The following KIAA1217 variants were observed in gnomAD, a reference collection of about 807,000 sequenced individuals.
KIAA1217 encodes the protein KIAA1217.
In KIAA1217, 88 loss-of-function variants were observed where a neutral mutation model predicts 163.9. The observed-to-expected ratio is 0.54, with a 90% CI of 0.45 to 0.64. The LOEUF (loss-of-function observed/expected upper bound fraction) is 0.64, where lower values mean the gene tolerates loss of function less well. KIAA1217 is among the 30% of genes least tolerant of loss of function. The probability of loss-of-function intolerance (pLI) is 0.00; values close to 1 mark genes in which losing one functional copy is unlikely to be tolerated. For synonymous variants in KIAA1217, 903 were observed against 923.1 expected (o/e 0.98, Z 0.39); for missense variants, 2,372 against 2,475.0 (o/e 0.96, Z 0.88).
intron 1 of KIAA1217, among the ~76,000 whole-genome samples, chr10:23,745,685 T>G (rs1839368885): frequency 6.6e-6 from 1 of 152,114 alleles, no homozygotes; most frequent in African/African-American, 2.4e-5. Context: ...GTAACTGTAC[T>G]TGGCCCACCG....
At chr10:23,853,203 T>A (rs1026745400) in intron 1 of KIAA1217, among the ~76,000 whole-genome samples, 3 of 152,116 alleles carry the variant, frequency 2.0e-5, no homozygotes, top group African/African-American at 4.8e-5. Flanking sequence ...TACCTAATTT[T>A]TTGAGAGTTT....
intron 5 of KIAA1217, among the ~76,000 whole-genome samples, chr10:24,472,460 T>A (rs149429677): frequency 3.3e-4 from 50 of 152,332 alleles, no homozygotes; most frequent in African/African-American, 1.2e-3. Flanking sequence ...CTTTGAAAGA[T>A]GGGAAACATG....
At chr10:24,337,527 G>T (rs571843647) in intron 2 of KIAA1217, among the ~76,000 whole-genome samples, 2 of 151,978 alleles carry the variant, frequency 1.3e-5, no homozygotes, top group Non-Finnish European at 2.9e-5. Flanking sequence ...ATGACAGATC[G>T]CATTTTCTTA....
chr10:24,472,835 T>C (rs191328253), intron 5 of KIAA1217, among the ~76,000 whole-genome samples: 28 of 152,238 alleles, frequency 1.8e-4, no homozygotes, highest in Admixed American at 5.9e-4. Flanking sequence ...CTCTGGAGGC[T>C]CCAGAGTGGG....
chr10:23,875,368 G>T (rs958519854), intron 1 of KIAA1217, among the ~76,000 whole-genome samples: 1 of 151,958 alleles, frequency 6.6e-6, no homozygotes, highest in Non-Finnish European at 1.5e-5. Flanking sequence ...AATTTTATAG[G>T]TGCAGAATAT....
intron 2 of KIAA1217, among the ~76,000 whole-genome samples, chr10:24,171,719 G>A (rs12766712): frequency 0.28 from 42,773 of 151,930 alleles, 7,099 homozygotes; most frequent in South Asian, 0.36. Context: ...CCTGGGAGGC[G>A]GAGGTTGCAG....
intron 1 of KIAA1217, among the ~76,000 whole-genome samples, chr10:23,805,426 T>C (rs895321776): frequency 2.6e-5 from 4 of 152,106 alleles, no homozygotes; most frequent in Non-Finnish European, 5.9e-5. Flanking sequence ...AACATGGGAA[T>C]GGAAGACCAA....
chr10:24,198,102 C>G (rs1564817410), intron 2 of KIAA1217, among the ~76,000 whole-genome samples: 1 of 152,226 alleles, frequency 6.6e-6, no homozygotes, highest in Non-Finnish European at 1.5e-5. Flanking sequence ...AACCAGGTAA[C>G]CCTGATGTGA....
rs537124456 is a variant in KIAA1217, at chr10:24,306,569, T to A, written c.355-74300T>A. 6.6e-5 allele frequency among the ~76,000 whole-genome samples: 10 copies of A among 152,332 alleles called. No individual in the cohort carries two copies. The South Asian group carries it at 2.1e-3, about 32-fold the overall frequency. ...TGGCCACCTGGTAAGTCTGAGTGAC[T>A]TGCGGGCAGCTGTCTTTCTGGAGCG... is the stretch of plus-strand genomic sequence containing the variant. On this transcript the variant is annotated intron_variant, in intron 2 of 20. Coordinates refer to ENST00000376454, the MANE Select transcript of KIAA1217 (RefSeq NM_019590.5).
At chr10:23,869,571 ATT>A (rs143708184) in intron 1 of KIAA1217, among the ~76,000 whole-genome samples, 2,705 of 152,206 alleles carry the variant, frequency 0.018, 74 homozygotes, top group African/African-American at 0.06. Context: ...TAGATAATTT[ATT>A]GCTACTAGAA....
intron 5 of KIAA1217, among the ~76,000 whole-genome samples, chr10:24,446,090 G>T (rs1460310542): frequency 6.6e-6 from 1 of 152,158 alleles, no homozygotes; most frequent in Non-Finnish European, 1.5e-5. Context: ...GCGTGAGATG[G>T]TATCTGATTG....
At chr10:24,245,952 T>G (rs747498369) in intron 2 of KIAA1217, among the ~76,000 whole-genome samples, 4 of 152,198 alleles carry the variant, frequency 2.6e-5, no homozygotes, top group Non-Finnish European at 5.9e-5. Context: ...CTCATTTTCA[T>G]AGCAGTCACT....
chr10:24,095,219 C>G (rs1241659565), intron 2 of KIAA1217, among the ~76,000 whole-genome samples: 3 of 152,212 alleles, frequency 2.0e-5, no homozygotes, highest in Non-Finnish European at 4.4e-5. Flanking sequence ...TGCTTCTGCT[C>G]GTGCACGGGT....
chr10:24,398,174 T>C (rs1178249909), intron 3 of KIAA1217, among the ~76,000 whole-genome samples: 1 of 152,228 alleles, frequency 6.6e-6, no homozygotes, highest in Non-Finnish European at 1.5e-5. Flanking sequence ...GTATGTTCTA[T>C]GTATTCTATA....
chr10:23,824,563 G>T (rs928196584), intron 1 of KIAA1217, among the ~76,000 whole-genome samples: 44 of 139,104 alleles, frequency 3.2e-4, no homozygotes, highest in Non-Finnish European at 2.1e-4. Context: ...GGGAGGCAGA[G>T]GTTGCAGTGA....
chr10:23,935,469 T>C (rs1422292538), intron 1 of KIAA1217, among the ~76,000 whole-genome samples: 1 of 152,218 alleles, frequency 6.6e-6, no homozygotes, highest in East Asian at 1.9e-4. Flanking sequence ...TCACCTGAAA[T>C]TCTCAATTTA....
intron 2 of KIAA1217, among the ~76,000 whole-genome samples, chr10:24,128,613 G>A (rs1377481283): frequency 1.3e-5 from 2 of 152,088 alleles, no homozygotes; most frequent in East Asian, 3.9e-4. Flanking sequence ...GGGGCTTCCG[G>A]GCCTCTACAT....
chr10:23,776,740 G>A (rs1835025591), intron 1 of KIAA1217, among the ~76,000 whole-genome samples: 1 of 146,122 alleles, frequency 6.8e-6, no homozygotes, highest in Non-Finnish European at 1.5e-5. Context: ...GAATGCAGTG[G>A]TGTGATCTCG....
chr10:24,094,974 A>T (rs2062091947), intron 2 of KIAA1217, among the ~76,000 whole-genome samples: 1 of 152,092 alleles, frequency 6.6e-6, no homozygotes, highest in African/African-American at 2.4e-5. Flanking sequence ...GCCGCCTTGC[A>T]GTTTGATCTC....
Sources: gnomAD v4.1 joint callset for allele counts (sites outside exome capture counted in the v4.1 genomes callset) on GRCh38, gnomAD v4.1.1 for gene constraint, MANE v1.5 for transcripts, NCBI Gene and HGNC (gene_info 2026-07-23, HGNC 2026-07-21) for gene names.